Variants in CLVS2 observed in about 807,000 individuals in gnomAD.
CLVS2 encodes clavesin-2.
CLVS2 carries 19 observed loss-of-function variants against 29.0 expected under a neutral mutation model. The ratio of observed to expected loss-of-function variants is 0.66; its 90% confidence interval spans 0.46 to 0.96. CLVS2 has a LOEUF of 0.96. Ranked by LOEUF, CLVS2 falls within the 40% of genes least tolerant of loss-of-function variation. The pLI is 0.00. For missense variants in CLVS2, 294 were observed against 404.1 expected, an observed-to-expected ratio of 0.73 and a Z score of 2.34; for synonymous variants, 161 against 151.3, an observed-to-expected ratio of 1.06 and a Z score of -0.47.
Position 123,068,479 on chromosome 6 carries a change from T to A in CLVS2, c.*4718T>A, listed in dbSNP as rs188227501. On this transcript the variant is annotated 3_prime_UTR_variant, in exon 6 of 6. Coordinates refer to ENST00000275162, the MANE Select transcript of CLVS2 (RefSeq NM_001010852.4). ...AGGGTCACCCAATCCTCAACTACTT[T>A]AAAAAATTGCAATGAATTTTAATTC... The A allele has an allele frequency of 8.0e-4, 122 of 151,798 alleles. No individual in the cohort carries two copies. Among genetic ancestry groups the A allele is most frequent in the African/African-American group, 2.6e-3 (109 of 41,504 alleles). 9.4% of individuals were successfully genotyped at this position (151,798 alleles called of 1,614,324 possible). A position where few individuals can be genotyped will look rare whatever the true frequency, so the allele number is the denominator to read the frequency against.
Position 123,021,606 on chromosome 6 carries a change from T to G in CLVS2, c.564+10447T>G, listed in dbSNP as rs1774922316. On this transcript the variant is annotated intron_variant, in intron 3 of 5. Transcript: ENST00000275162. Reference sequence around the variant, plus strand: ...TGTATTATAGGTTTATATGCAGTTGTAAGTAATAATGCAAAGAGATCCCAT... The same window carrying G: ...TGTATTATAGGTTTATATGCAGTTGGAAGTAATAATGCAAAGAGATCCCAT... 9.9e-5 allele frequency among the ~76,000 whole-genome samples: 15 copies of G among 152,234 alleles called. No individual in the cohort carries two copies. The South Asian group carries it at 3.1e-3, about 32-fold the overall frequency.
At chr6:123,050,613 G>A (rs1772595050) in intron 4 of CLVS2, among the ~76,000 whole-genome samples, 1 of 152,078 alleles carries the variant, frequency 6.6e-6, no homozygotes, top group Non-Finnish European at 1.5e-5. Context: ...AGGTAGAAAA[G>A]CTGGAGCAGA....
intron 2 of CLVS2, among the ~76,000 whole-genome samples, chr6:122,999,691 A>C (rs930971077): frequency 5.9e-5 from 9 of 152,352 alleles, no homozygotes; most frequent in African/African-American, 2.2e-4. Context: ...GAAAAAACTA[A>C]TATTCTGTAT....
Position 123,066,754 on chromosome 6 carries a change from G to A in CLVS2, c.*2993G>A, listed in dbSNP as rs1283903808. ...CTCTTTGAAAATGGAATAAAGCAAC[G>A]TTACTGGCATATGGATTTTATTTGT... On this transcript the variant is annotated 3_prime_UTR_variant, in exon 6 of 6. Coordinates refer to ENST00000275162, the MANE Select transcript of CLVS2 (RefSeq NM_001010852.4). 2 of 151,694 alleles carry A rather than the reference G, an allele frequency of 1.3e-5. No individual in the cohort carries two copies. Among genetic ancestry groups the A allele is most frequent in the African/African-American group, 2.4e-5 (1 of 41,398 alleles). 9.4% of individuals were successfully genotyped at this position (151,694 alleles called of 1,614,324 possible).
intron 4 of CLVS2, among the ~76,000 whole-genome samples, chr6:123,049,952 A>T (rs1772580384): frequency 1.3e-5 from 2 of 152,174 alleles, no homozygotes; most frequent in Non-Finnish European, 2.9e-5. Context: ...TATAATTTTT[A>T]AAAAAGTGCA....
chr6:123,051,942 A>T (rs1038833953), intron 4 of CLVS2, among the ~76,000 whole-genome samples: 1 of 152,206 alleles, frequency 6.6e-6, no homozygotes, highest in African/African-American at 2.4e-5. Context: ...GTAGAAACTT[A>T]ACAATTGGGC....
At chr6:123,031,844 T>C (rs1319578712) in intron 3 of CLVS2, among the ~76,000 whole-genome samples, 1 of 152,110 alleles carries the variant, frequency 6.6e-6, no homozygotes, top group Admixed American at 6.6e-5. Context: ...CTTGGTCTTA[T>C]TTTTCTTTCT....
At chr6:123,029,386 G>A (rs1344001367) in intron 3 of CLVS2, among the ~76,000 whole-genome samples, 1 of 152,116 alleles carries the variant, frequency 6.6e-6, no homozygotes, top group Non-Finnish European at 1.5e-5. Flanking sequence ...TCTTGCTTAG[G>A]GAAAGGACTG....
intron 2 of CLVS2, among the ~76,000 whole-genome samples, chr6:123,007,583 A>G (rs1774687578): frequency 6.6e-6 from 1 of 152,162 alleles, no homozygotes. Context: ...CATAGTTGCT[A>G]TGGGTATTAA....
chr6:123,033,874 A>G (rs1775114907), intron 3 of CLVS2, among the ~76,000 whole-genome samples: 2 of 152,130 alleles, frequency 1.3e-5, no homozygotes, highest in African/African-American at 2.4e-5. Context: ...CAACAGTGAA[A>G]AAACAATCCA....
chr6:123,009,136 A>G lies in CLVS2; in HGVS notation c.390-1849A>G, dbSNP rs556308185. 2.0e-5 allele frequency among the ~76,000 whole-genome samples: 3 copies of G among 152,090 alleles called. No homozygotes were observed. The East Asian group carries it at 5.8e-4, about 29-fold the overall frequency. On this transcript the variant is annotated intron_variant, in intron 2 of 5. Coordinates refer to ENST00000275162, the MANE Select transcript of CLVS2 (RefSeq NM_001010852.4). Reference sequence around the variant, plus strand: ...CCGAGAACTGTGCAAAATTGCACAAATGTTTTCACCTGAGTCATCTCTTTG... The same window carrying G: ...CCGAGAACTGTGCAAAATTGCACAAGTGTTTTCACCTGAGTCATCTCTTTG...
intron 3 of CLVS2, among the ~76,000 whole-genome samples, chr6:123,041,879 C>G (rs1775239034): frequency 6.6e-6 from 1 of 152,072 alleles, no homozygotes; most frequent in South Asian, 2.1e-4. Flanking sequence ...AAGTTATCTA[C>G]ATTCTAGTGC....
At chr6:123,034,524 A>G (rs1775123946) in intron 3 of CLVS2, among the ~76,000 whole-genome samples, 1 of 152,180 alleles carries the variant, frequency 6.6e-6, no homozygotes, top group African/African-American at 2.4e-5. Flanking sequence ...TCAAAATTAC[A>G]GAGCCAGAGG....
At chr6:123,048,473 TG>T in intron 3 of CLVS2, 148 bp from the exon 4 acceptor site, 2 of 565,354 alleles carry the variant, frequency 3.5e-6, no homozygotes, top group East Asian at 2.8e-5. Context: ...ATGTTTAACG[TG>T]GTAAGGTTCT....
At chr6:123,055,111 A>G (rs1371645848) in intron 4 of CLVS2, among the ~76,000 whole-genome samples, 2 of 152,182 alleles carry the variant, frequency 1.3e-5, no homozygotes, top group African/African-American at 2.4e-5. Context: ...ATACAGCTTT[A>G]CATTTTTAAT....
At chr6:123,057,308 TG>T (rs1772705931) in intron 5 of CLVS2, among the ~76,000 whole-genome samples, 1 of 151,042 alleles carries the variant, frequency 6.6e-6, no homozygotes, top group African/African-American at 2.4e-5. Flanking sequence ...CATGGAGTAA[TG>T]TGCCTGTTCT....
At chr6:123,047,125 G>A (rs998672824) in intron 3 of CLVS2, among the ~76,000 whole-genome samples, 1 of 151,970 alleles carries the variant, frequency 6.6e-6, no homozygotes, top group African/African-American at 2.4e-5. Flanking sequence ...ATACCTGCTG[G>A]CCAGGAAACC....
chr6:122,999,673 T>C (rs374977474), intron 2 of CLVS2, among the ~76,000 whole-genome samples: 8 of 152,206 alleles, frequency 5.3e-5, no homozygotes, highest in East Asian at 1.9e-4. Flanking sequence ...TGAAAAATTT[T>C]ATTCAAGGAA....
In CLVS2 at chr6:122,997,695, G is replaced by A; in HGVS notation, c.-83G>A. On this transcript the variant is annotated 5_prime_UTR_variant, in exon 2 of 6. Transcript: ENST00000275162. ...CAGGCAGCAGGAGGTCTGGGGGCTG[G>A]AGTCTGGTGGTGGCAAGGACCAGGT... 3 of 1,390,978 alleles carry A rather than the reference G, an allele frequency of 2.2e-6. No homozygotes were observed. The highest frequency in any genetic ancestry group is 2.0e-6 in the Non-Finnish European group (2 of 1,005,378). 86.2% of individuals were successfully genotyped at this position (1,390,978 alleles called of 1,614,324 possible).
Sources: allele counts gnomAD v4.1 joint callset (sites outside exome capture counted in the v4.1 genomes callset), GRCh38; gene constraint gnomAD v4.1.1; transcripts MANE v1.5; gene names NCBI Gene and HGNC (gene_info 2026-07-23, HGNC 2026-07-21).